CNTN4: variants seen among roughly 807,000 people sequenced by gnomAD.
CNTN4 encodes the protein contactin-4.
CNTN4 carries 77 observed loss-of-function variants against 122.5 expected under a neutral mutation model. That is an observed-to-expected ratio of 0.63 (90% CI 0.52 to 0.76). The LOEUF (loss-of-function observed/expected upper bound fraction) is 0.76. Among genes scored for constraint, CNTN4 ranks in the 30% least tolerant of loss-of-function variants. CNTN4 has a pLI of 0.00. For missense variants in CNTN4, 1,256 were observed against 1,259.1 expected, an observed-to-expected ratio of 1.00 and a Z score of 0.04; for synonymous variants, 512 against 447.0, an observed-to-expected ratio of 1.15 and a Z score of -1.83.
chr3:2,310,113 G>A (rs770143629), intron 2 of CNTN4, among the ~76,000 whole-genome samples: 13 of 142,602 alleles, frequency 9.1e-5, no homozygotes, highest in Non-Finnish European at 2.0e-4. Flanking sequence ...AGAGCTGTTG[G>A]TACCAGATGG....
intron 3 of CNTN4, among the ~76,000 whole-genome samples, chr3:2,453,019 C>T (rs1021470418): frequency 4.6e-5 from 7 of 151,914 alleles, no homozygotes; most frequent in South Asian, 2.1e-4. Context: ...TGCAATTATT[C>T]GTAATGTTCA....
intron 6 of CNTN4, among the ~76,000 whole-genome samples, chr3:2,791,644 G>C (rs2092015811): frequency 6.6e-6 from 1 of 152,116 alleles, no homozygotes; most frequent in Non-Finnish European, 1.5e-5. Flanking sequence ...ACTTTTCTCA[G>C]CTACTGTAAT....
intron 5 of CNTN4, among the ~76,000 whole-genome samples, chr3:2,737,540 T>C (rs2089206824): frequency 6.6e-6 from 1 of 152,246 alleles, no homozygotes; most frequent in Non-Finnish European, 1.5e-5. Flanking sequence ...CATAACCACA[T>C]ATATTTAACT....
At chr3:2,317,168 TG>T (rs1396650024) in intron 2 of CNTN4, among the ~76,000 whole-genome samples, 3 of 152,034 alleles carry the variant, frequency 2.0e-5, no homozygotes, top group Non-Finnish European at 4.4e-5. Flanking sequence ...TGTAAATGTC[TG>T]TATAAATGCA....
intron 3 of CNTN4, among the ~76,000 whole-genome samples, chr3:2,549,868 A>C (rs1247215017): frequency 1.3e-5 from 2 of 152,086 alleles, no homozygotes; most frequent in Non-Finnish European, 2.9e-5. Context: ...TTACTGCTTC[A>C]ATTTCAGAAC....
chr3:2,759,094 T>C (rs984515408), intron 6 of CNTN4, among the ~76,000 whole-genome samples: 7 of 152,228 alleles, frequency 4.6e-5, no homozygotes, highest in African/African-American at 7.2e-5. Flanking sequence ...TGGCCTTTTA[T>C]AACTTGTTTC....
At chr3:2,199,085 C>T (rs991713612) in intron 2 of CNTN4, among the ~76,000 whole-genome samples, 2 of 152,188 alleles carry the variant, frequency 1.3e-5, no homozygotes, top group African/African-American at 4.8e-5. Context: ...GTATAATTAG[C>T]TCATTGTCTC....
chr3:2,990,026 A>C (rs1694919194), intron 14 of CNTN4, among the ~76,000 whole-genome samples: 1 of 152,246 alleles, frequency 6.6e-6, no homozygotes, highest in Non-Finnish European at 1.5e-5. Context: ...ACCACTTACC[A>C]GCTCTTAGAC....
chr3:2,342,305 A>C (rs2044239093), intron 3 of CNTN4, among the ~76,000 whole-genome samples: 1 of 152,218 alleles, frequency 6.6e-6, no homozygotes, highest in African/African-American at 2.4e-5. Flanking sequence ...TAGGGAAAAT[A>C]GAAGAAGACA....
intron 3 of CNTN4, among the ~76,000 whole-genome samples, chr3:2,422,497 C>G (rs1230444311): frequency 2.0e-5 from 3 of 152,168 alleles, no homozygotes; most frequent in African/African-American, 7.2e-5. Context: ...TATTTGGATT[C>G]CTGACAGCCT....
chr3:2,118,159 C>T (rs1348924277), intron 2 of CNTN4, among the ~76,000 whole-genome samples: 1 of 152,110 alleles, frequency 6.6e-6, no homozygotes, highest in Non-Finnish European at 1.5e-5. Context: ...GTCCTGTGAG[C>T]TAGATGCTGT....
At chr3:2,457,508 A>AT (rs2049045642) in intron 3 of CNTN4, among the ~76,000 whole-genome samples, 1 of 152,036 alleles carries the variant, frequency 6.6e-6, no homozygotes, top group South Asian at 2.1e-4. Context: ...GTTTATTAGG[A>AT]TTTTTTTCTG....
At chr3:2,178,028 C>G (rs1337527297) in intron 2 of CNTN4, among the ~76,000 whole-genome samples, 2 of 152,042 alleles carry the variant, frequency 1.3e-5, no homozygotes, top group Non-Finnish European at 2.9e-5. Flanking sequence ...GCTCATTTCT[C>G]TCTTATTTTC....
chr3:2,707,879 G>C (rs11924246), intron 4 of CNTN4, among the ~76,000 whole-genome samples: 9,982 of 152,184 alleles, frequency 0.066, 1,095 homozygotes, highest in African/African-American at 0.22. Context: ...AAGCATTTGC[G>C]AGTAAGGTAG....
At chr3:2,255,686 C>T (rs1330850658) in intron 2 of CNTN4, among the ~76,000 whole-genome samples, 2 of 152,176 alleles carry the variant, frequency 1.3e-5, no homozygotes, top group East Asian at 1.9e-4. Context: ...TGCTGAATGA[C>T]TACTGGGTAA....
intron 19 of CNTN4, chr3:3,039,337 C>T (rs940846273): frequency 1.2e-5 from 3 of 246,606 alleles, no homozygotes; most frequent in South Asian, 1.2e-4. Context: ...TGATTTAAAA[C>T]GTCTGCCAGC....
intron 7 of CNTN4, among the ~76,000 whole-genome samples, chr3:2,821,804 A>G (rs999267106): frequency 3.3e-5 from 5 of 152,200 alleles, no homozygotes; most frequent in African/African-American, 1.2e-4. Flanking sequence ...TCCAGGCTGA[A>G]GTTTAGTTCA....
At chr3:3,027,031 G>T (rs865778757) in intron 15 of CNTN4, among the ~76,000 whole-genome samples, 2 of 152,094 alleles carry the variant, frequency 1.3e-5, no homozygotes, top group African/African-American at 4.8e-5. Context: ...TACAAAAATG[G>T]GGCCCTGACT....
In CNTN4 at chr3:2,823,346, G is replaced by A. The variant is rs555205012; in HGVS notation, c.454+3765G>A. 7.9e-5 allele frequency among the ~76,000 whole-genome samples: 12 copies of A among 152,316 alleles called. No individual in the cohort carries two copies. In the South Asian group the frequency reaches 1.2e-3, roughly 16 times the overall value. On this transcript the variant is annotated intron_variant, in intron 7 of 24. Transcript: ENST00000418658. ...TGCTGCATGTCCTATTTCGAAAGCTGTGCGGTGTCAGACCTTCTTAGGGTA... is the reference window on the plus strand; with the variant it reads ...TGCTGCATGTCCTATTTCGAAAGCTATGCGGTGTCAGACCTTCTTAGGGTA...
Sources: gnomAD v4.1 joint callset for allele counts (sites outside exome capture counted in the v4.1 genomes callset) on GRCh38, gnomAD v4.1.1 for gene constraint, MANE v1.5 for transcripts, NCBI Gene and HGNC (gene_info 2026-07-23, HGNC 2026-07-21) for gene names.